Variants in KRI1 observed in about 807,000 individuals in gnomAD.
KRI1 encodes the protein protein KRI1 homolog.
Under a neutral mutation model 97.0 loss-of-function variants are expected in KRI1, and 83 were observed. The ratio of observed to expected loss-of-function variants is 0.86; its 90% CI spans 0.72 to 1.03. The LOEUF is 1.03. Among genes scored for constraint, KRI1 ranks in the 50% least tolerant of loss-of-function variants. The probability of loss-of-function intolerance (pLI) is 0.00; values close to 1 mark genes in which losing one functional copy is unlikely to be tolerated. For missense variants in KRI1, 916 were observed against 928.4 expected, an observed-to-expected ratio of 0.99 and a Z score of 0.17; for synonymous variants, 371 against 363.5, an observed-to-expected ratio of 1.02 and a Z score of -0.23.
At chr19:10,565,820 C>CCCA (rs61702518) in intron 1 of KRI1, 30 bp from the exon 2 acceptor site, 1 of 1,551,470 alleles carries the variant, frequency 6.4e-7, no homozygotes, top group Non-Finnish European at 8.7e-7. Context: ...TGCCCCCCCC[C>CCCA]AGGTCAGCCG....
At chr19:10,560,560 AT>A in intron 8 of KRI1, 112 bp from the exon 9 acceptor site, 1 of 769,152 alleles carries the variant, frequency 1.3e-6, no homozygotes, top group South Asian at 1.8e-5. Context: ...CATTAGCCCC[AT>A]TTTGGTTTCT....
Position 10,565,956 on chromosome 19 carries a change from G to A in KRI1, c.44C>T (p.Ala15Val). Reference sequence around the variant, plus strand: ...GTAGCGGTTGTACCGCGCGGCAAACGCCGCGTTCACCCGCAGCTGCGACGA... The same window carrying A: ...GTAGCGGTTGTACCGCGCGGCAAACACCGCGTTCACCCGCAGCTGCGACGA... The part of the protein sequence containing the change: ...RGSSQLRVNA[A>V]FAARYNRYRE... Residue 15 changes from alanine to valine, a missense_variant, in exon 1 of 19, where the codon GCG becomes GTG. Coordinates refer to ENST00000312962, the MANE Select transcript of KRI1 (RefSeq NM_023008.5). 2.0e-6 allele frequency: 3 copies of A among 1,528,748 alleles called. No individual in the cohort carries two copies. Among genetic ancestry groups the A allele is most frequent in the African/African-American group, 1.4e-5 (1 of 70,580 alleles). 94.7% of individuals were successfully genotyped at this position (1,528,748 alleles called of 1,614,324 possible).
intron 3 of KRI1, among the ~76,000 whole-genome samples, chr19:10,564,212 G>A (rs1916788260): frequency 1.3e-5 from 2 of 151,756 alleles, no homozygotes; most frequent in South Asian, 4.2e-4. Flanking sequence ...TGTAATCCCA[G>A]CACTTTGGGA....
At position 10,558,059 on chromosome 19, in the gene KRI1, G is replaced by C. The variant is rs144912895; in HGVS notation, c.1272C>G (p.Asp424Glu). 3.1e-6 allele frequency: 5 copies of C among 1,614,068 alleles called. No homozygotes were observed. The highest frequency in any genetic ancestry group is 4.2e-6 in the Non-Finnish European group (5 of 1,180,000). Reference sequence around the variant, plus strand: ...CGTCCCACGTGTCCCAGTTCCAGTCGTCTGGATGCAGGGAGAACAGACAGG... The same window carrying C: ...CGTCCCACGTGTCCCAGTTCCAGTCCTCTGGATGCAGGGAGAACAGACAGG... ...PQFEEEEGLE[D>E]DWNWDTWDGP... is the part of the protein sequence containing the mutation. Residue 424 changes from aspartate to glutamate, a missense_variant and splice_region_variant, in exon 14 of 19, where the codon GAC (aspartate) becomes GAG (glutamate). Physicochemically the swap from Asp to Glu is conservative, Grantham distance 45. Transcript: ENST00000312962.
In KRI1 at chr19:10,562,869, C is replaced by T. The variant is rs369746168; in HGVS notation, c.275-32G>A. 78 of 1,313,692 alleles carry T rather than the reference C, an allele frequency of 5.9e-5. No homozygotes were observed. The African/African-American group carries it at 6.4e-4, about 11-fold the overall frequency. 81.4% of individuals were successfully genotyped at this position (1,313,692 alleles called of 1,614,324 possible). On this transcript the variant is annotated intron_variant, in intron 3 of 18. Transcript: ENST00000312962. ...ACCCACCAAAGACACCTGCCATCAC[C>T]CACAACCCCCTTCTTTGCCGTGGCA...
At position 10,559,936 on chromosome 19, in the gene KRI1, C is replaced by A. The variant is rs993622074; in HGVS notation, c.801G>T (p.Gly267=). The part of the protein sequence containing the change: ...EDEEEMEEEE[G]VHGPPVQLAV... Reference sequence around the variant, plus strand: ...CCAGCTGGACTGGGGGACCGTGGACCCTGAGGGGCAAGATGTGGTGATGCC... The same window carrying A: ...CCAGCTGGACTGGGGGACCGTGGACACTGAGGGGCAAGATGTGGTGATGCC... Residue 267 remains glycine (G), a splice_region_variant and synonymous_variant, in exon 10 of 19, where the codon GGG becomes GGT. Coordinates refer to ENST00000312962, the MANE Select transcript of KRI1 (RefSeq NM_023008.5). The A allele has an allele frequency of 1.2e-6, 2 of 1,610,402 alleles. No individual in the cohort carries two copies. The highest frequency in any genetic ancestry group is 2.7e-5 in the African/African-American group (2 of 74,866).
At chr19:10,559,972 C>T (rs1180680115) in intron 9 of KRI1, 36 bp from the exon 10 acceptor site, 1 of 1,601,648 alleles carries the variant, frequency 6.2e-7, no homozygotes, top group South Asian at 1.1e-5. Context: ...AGGGGGCCAG[C>T]CAAGTGAGGT....
intron 4 of KRI1, among the ~76,000 whole-genome samples, chr19:10,562,523 G>A (rs1051131150): frequency 4.7e-5 from 7 of 148,642 alleles, no homozygotes; most frequent in Admixed American, 2.0e-4. Context: ...TTTTTTTGTA[G>A]AGGCGGGGTA....
In KRI1 at chr19:10,553,510, C is replaced by G. The variant is rs1396804882; in HGVS notation, c.*441G>C. ...GCTCCAAGTCACGGGAAGTTTAAGT[C>G]AGCCTCAGTTTCCACATCCATAAAA... On this transcript the variant is annotated 3_prime_UTR_variant, in exon 19 of 19. Coordinates refer to ENST00000312962, the MANE Select transcript of KRI1 (RefSeq NM_023008.5). 1 of 184,532 alleles carries G rather than the reference C, an allele frequency of 5.4e-6. No homozygotes were observed. Among genetic ancestry groups the G allele is most frequent in the African/African-American group, 2.4e-5 (1 of 42,548 alleles). 11.4% of individuals were successfully genotyped at this position (184,532 alleles called of 1,614,324 possible).
chr19:10,562,536 T>C, intron 4 of KRI1, among the ~76,000 whole-genome samples, 193 bp downstream of exon 4: 1 of 151,412 alleles, frequency 6.6e-6, no homozygotes, highest in South Asian at 2.1e-4. Context: ...GCGGGGTATG[T>C]TGCCCAGCCT....
Position 10,562,824 on chromosome 19 carries a change from G to T in KRI1, c.288C>A (p.Asp96Glu). The stretch of plus-strand genomic sequence containing the variant: ...CCAAGGCTTCTGGGTCCTCCTCACT[G>T]TCTGATGACGATGCTGTTAACCCAC... ...TFYNRTASSS[D>E]SEEDPEALEK... The change falls in exon 4 of 19, where the codon GAC (aspartate) becomes GAA (glutamate). Residue 96 changes from aspartate to glutamate, a missense_variant. This residue lies in a region of KRI1 where 173 missense variants were observed against 153.1 expected (regional missense o/e 1.13). Transcript: ENST00000312962. 6.2e-7 allele frequency: 1 copy of T among 1,608,642 alleles called. No homozygotes were observed. The highest frequency in any genetic ancestry group is 8.5e-7 in the Non-Finnish European group (1 of 1,175,078).
rs1393941168 is a variant in KRI1 at position 10,558,366 on chromosome 19, C to G, written c.1195-127G>C. On this transcript the variant is annotated intron_variant, in intron 12 of 18. Transcript: ENST00000312962. ...ACAGCTAGGGCTCCCTACAGCCCTC[C>G]CAGCACCTAGCTCCTGAGGTGGGAG... 5.1e-6 allele frequency: 4 copies of G among 786,768 alleles called. No individual in the cohort carries two copies. In the African/African-American group the frequency reaches 5.1e-5, roughly 10 times the overall value. 48.7% of individuals were successfully genotyped at this position (786,768 alleles called of 1,614,324 possible). A position where few individuals can be genotyped will look rare whatever the true frequency, so the allele number is the denominator to read the frequency against.
chr19:10,553,213 A>G lies in KRI1; in HGVS notation c.*738T>C, dbSNP rs1311301683. ...AGCTGCAACCAGTCTGGGGCCATTC[A>G]GCCAGGGACAGAGCCCACAGAGCCC... is the stretch of plus-strand genomic sequence containing the variant. On this transcript the variant is annotated 3_prime_UTR_variant, in exon 19 of 19. Transcript: ENST00000312962. 1 of 1,041,398 alleles carries G rather than the reference A, an allele frequency of 9.6e-7. No individual in the cohort carries two copies. Among genetic ancestry groups the G allele is most frequent in the Non-Finnish European group, 1.3e-6 (1 of 741,716 alleles). 64.5% of individuals were successfully genotyped at this position (1,041,398 alleles called of 1,614,324 possible).
At position 10,557,693 on chromosome 19, in the gene KRI1, C is replaced by G. The variant is rs753069633; in HGVS notation, c.1487-11G>C. On this transcript the variant is annotated splice_polypyrimidine_tract_variant and intron_variant, in intron 15 of 18. Coordinates refer to ENST00000312962, the MANE Select transcript of KRI1 (RefSeq NM_023008.5). ...CGAACGTCTTGTCCCCTGCTCGAGA[C>G]AGAGCCAGGCTGCTGGGCTATGCCA... is the stretch of plus-strand genomic sequence containing the variant. 6.2e-7 allele frequency: 1 copy of G among 1,614,094 alleles called. No homozygotes were observed. Among genetic ancestry groups the G allele is most frequent in the Non-Finnish European group, 8.5e-7 (1 of 1,180,018 alleles).
At chr19:10,558,319 C>CCT in intron 12 of KRI1, 80 bp from the exon 13 acceptor site, 1 of 1,365,638 alleles carries the variant, frequency 7.3e-7, no homozygotes, top group Non-Finnish European at 1.0e-6. Context: ...CCAATGACCC[C>CCT]CTCCTTGGCA....
At chr19:10,561,478 C>T (rs1399340474) in intron 6 of KRI1, among the ~76,000 whole-genome samples, 189 bp downstream of exon 6, 1 of 152,108 alleles carries the variant, frequency 6.6e-6, no homozygotes, top group African/African-American at 2.4e-5. Flanking sequence ...CAAGATTAAC[C>T]CCATTTACTA....
chr19:10,558,593 A>C (rs1023324194), intron 12 of KRI1, among the ~76,000 whole-genome samples: 5 of 151,746 alleles, frequency 3.3e-5, no homozygotes, highest in East Asian at 1.9e-4. Context: ...CCCAAGCAGG[A>C]GTGCAATGGC....
chr19:10,565,974 T>C lies in KRI1; in HGVS notation c.26A>G (p.Gln9Arg). Residue 9 changes from glutamine (Q) to arginine (R), a missense_variant, in exon 1 of 19, where the codon CAG becomes CGG. Physicochemically the swap from Gln to Arg is conservative, Grantham distance 43. Transcript: ENST00000312962. ...GGCAAACGCCGCGTTCACCCGCAGC[T>C]GCGACGACCCGCGCGGTTCCGGCAT... MPEPRGSS[Q>R]LRVNAAFAAR... 6.6e-7 allele frequency: 1 copy of C among 1,525,638 alleles called. No homozygotes were observed. Among genetic ancestry groups the C allele is most frequent in the Non-Finnish European group, 8.8e-7 (1 of 1,140,496 alleles). 94.5% of individuals were successfully genotyped at this position (1,525,638 alleles called of 1,614,324 possible). A position where few individuals can be genotyped will look rare whatever the true frequency, so the allele number is the denominator to read the frequency against.
intron 16 of KRI1, among the ~76,000 whole-genome samples, 158 bp from the exon 17 acceptor site, chr19:10,555,507 T>C (rs1916479423): frequency 6.6e-6 from 1 of 152,184 alleles, no homozygotes; most frequent in Admixed American, 6.6e-5. Context: ...AGGCCAATGA[T>C]TTTTGTAGAG....
Sources: allele counts gnomAD v4.1 joint callset (sites outside exome capture counted in the v4.1 genomes callset), GRCh38; gene constraint gnomAD v4.1.1; regional missense constraint gnomAD v4.1.1; transcripts MANE v1.5; gene names NCBI Gene and HGNC (gene_info 2026-07-23, HGNC 2026-07-21).